PTPRZ1: variants seen among roughly 807,000 people sequenced by gnomAD.
PTPRZ1 encodes receptor-type tyrosine-protein phosphatase zeta.
A neutral mutation model predicts 214.1 loss-of-function variants in PTPRZ1; 82 were observed. The observed-to-expected ratio is 0.38, with a 90% CI of 0.32 to 0.46. The LOEUF (loss-of-function observed/expected upper bound fraction) is 0.46. PTPRZ1 is among the 20% of genes least tolerant of loss of function. The pLI is 1.00. For synonymous variants in PTPRZ1, 945 were observed against 987.9 expected (o/e 0.96, Z 0.81); for missense variants, 2,603 against 2,748.7 (o/e 0.95, Z 1.19).
chr7:121,902,492 G>T (rs1017872212), intron 1 of PTPRZ1, among the ~76,000 whole-genome samples: 1 of 152,040 alleles, frequency 6.6e-6, no homozygotes, highest in African/African-American at 2.4e-5. Flanking sequence ...GGGAATAAGA[G>T]TTCTCCTTTC....
intron 2 of PTPRZ1, among the ~76,000 whole-genome samples, chr7:121,955,905 C>G (rs977184548): frequency 1.3e-5 from 2 of 152,196 alleles, no homozygotes; most frequent in Non-Finnish European, 2.9e-5. Context: ...AACAGAAACA[C>G]TGCTGTATTG....
intron 1 of PTPRZ1, among the ~76,000 whole-genome samples, chr7:121,920,501 A>C (rs535845729): frequency 1.3e-5 from 2 of 151,914 alleles, no homozygotes; most frequent in Non-Finnish European, 2.9e-5. Flanking sequence ...ATATACGTTG[A>C]TATTTTTGTC....
Position 122,019,236 on chromosome 7 carries a change from A to C in PTPRZ1, c.4956A>C (p.Leu1652=). ...VIVSALTFIC[L]VVLVGILIYW... is the part of the protein sequence containing the mutation. ...TGTCAGCCCTGACTTTTATCTGTCT[A>C]GTGGTTCTTGTGGGTATTCTCATCT... Residue 1652 remains leucine, a synonymous_variant, in exon 13 of 30, where the codon CTA becomes CTC. Coordinates refer to ENST00000393386, the MANE Select transcript of PTPRZ1 (RefSeq NM_002851.3). 1.2e-6 allele frequency: 2 copies of C among 1,612,754 alleles called. No individual in the cohort carries two copies. The highest frequency in any genetic ancestry group is 1.7e-6 in the Non-Finnish European group (2 of 1,178,992).
chr7:121,914,874 CCATGCTGACATTA>C (rs1401434559), intron 1 of PTPRZ1, among the ~76,000 whole-genome samples: 13 of 152,064 alleles, frequency 8.5e-5, no homozygotes, highest in Non-Finnish European at 1.5e-4. Flanking sequence ...GTGCCAGGCA[CCATGCTGACATTA>C]CATGTGAAAA....
intron 23 of PTPRZ1, among the ~76,000 whole-genome samples, chr7:122,046,834 C>T (rs1792001611): frequency 6.6e-6 from 1 of 152,080 alleles, no homozygotes; most frequent in Non-Finnish European, 1.5e-5. Context: ...GAGGTCTGGC[C>T]TGAAGAAATG....
intron 1 of PTPRZ1, among the ~76,000 whole-genome samples, chr7:121,909,188 T>C (rs1346021162): frequency 6.6e-6 from 1 of 152,170 alleles, no homozygotes; most frequent in Non-Finnish European, 1.5e-5. Context: ...CTAAAAACTT[T>C]TATCTTGTGA....
At chr7:121,896,678 C>T (rs995762029) in intron 1 of PTPRZ1, among the ~76,000 whole-genome samples, 1 of 151,696 alleles carries the variant, frequency 6.6e-6, no homozygotes, top group Non-Finnish European at 1.5e-5. Flanking sequence ...GAGGCTGAGG[C>T]AGGAGAATGG....
chr7:121,977,166 C>T (rs1450037906), intron 6 of PTPRZ1, among the ~76,000 whole-genome samples: 4 of 152,108 alleles, frequency 2.6e-5, no homozygotes, highest in African/African-American at 9.7e-5. Flanking sequence ...CTGCATTATA[C>T]ATCCGTTAAA....
chr7:121,926,118 C>T (rs961490533), intron 1 of PTPRZ1, among the ~76,000 whole-genome samples: 1 of 152,220 alleles, frequency 6.6e-6, no homozygotes, highest in South Asian at 2.1e-4. Context: ...GCCTGACCAA[C>T]ATAGTGAAAC....
At chr7:122,038,929 T>A (rs1275660710) in intron 19 of PTPRZ1, 40 bp downstream of exon 19, 2 of 1,602,222 alleles carry the variant, frequency 1.2e-6, no homozygotes, top group South Asian at 2.2e-5. Flanking sequence ...AAAAAAGTAA[T>A]TAGAGGTACT....
chr7:122,013,433 G>C lies in PTPRZ1; in HGVS notation c.4387G>C (p.Glu1463Gln), dbSNP rs149608270. 2.6e-5 allele frequency: 42 copies of C among 1,614,136 alleles called. No individual in the cohort carries two copies. In the South Asian group the frequency reaches 4.2e-4, roughly 16 times the overall value. The change falls in exon 12 of 30, where the codon GAA becomes CAA. Residue 1463 changes from glutamate to glutamine, a missense_variant. Physicochemically the swap from Glu to Gln is conservative, Grantham distance 29. Coordinates refer to ENST00000393386, the MANE Select transcript of PTPRZ1 (RefSeq NM_002851.3). ...EKVMNDSDTH[E>Q]NSLMDQNNPI... Reference sequence around the variant, plus strand: ...GGTAATGAATGATTCAGACACCCACGAAAACAGTCTTATGGATCAGAATAA... The same window carrying C: ...GGTAATGAATGATTCAGACACCCACCAAAACAGTCTTATGGATCAGAATAA...
At chr7:121,912,965 T>A (rs1487043369) in intron 1 of PTPRZ1, among the ~76,000 whole-genome samples, 1 of 152,158 alleles carries the variant, frequency 6.6e-6, no homozygotes, top group Non-Finnish European at 1.5e-5. Context: ...ATCCTAAATT[T>A]GTCATTTATT....
In PTPRZ1 at chr7:121,981,484, G is replaced by A. The variant is rs895374581; in HGVS notation, c.620-2181G>A. ...AGGGCAGAGGACTTGCACTGGGCTGGGTAGTTCAGGAGATAGGAAAACAAA... is the reference window on the plus strand; with the variant it reads ...AGGGCAGAGGACTTGCACTGGGCTGAGTAGTTCAGGAGATAGGAAAACAAA... On this transcript the variant is annotated intron_variant, in intron 6 of 29. Coordinates refer to ENST00000393386, the MANE Select transcript of PTPRZ1 (RefSeq NM_002851.3). 1.2e-4 allele frequency among the ~76,000 whole-genome samples: 18 copies of A among 152,292 alleles called. No homozygotes were observed. In the South Asian group the frequency reaches 1.9e-3, roughly 16 times the overall value.
chr7:121,873,210 A>C lies in PTPRZ1; in HGVS notation c.-290A>C, dbSNP rs915272083. 1.4e-5 allele frequency: 6 copies of C among 425,048 alleles called. No individual in the cohort carries two copies. The highest frequency in any genetic ancestry group is 2.1e-5 in the Non-Finnish European group (5 of 241,532). The allele number at this position is 425,048 out of a possible 1,614,324, so 26.3% of individuals were successfully genotyped here. A position where few individuals can be genotyped will look rare whatever the true frequency, so the allele number is the denominator to read the frequency against. On this transcript the variant is annotated 5_prime_UTR_variant, in exon 1 of 30. Coordinates refer to ENST00000393386, the MANE Select transcript of PTPRZ1 (RefSeq NM_002851.3). ...AAAGAGGCAAAGTCCCGCACGCCGG[A>C]GGACATGCGCCTCGGCTAGCGGCCC...
chr7:121,958,346 C>G (rs1395027985), intron 2 of PTPRZ1, among the ~76,000 whole-genome samples: 1 of 152,122 alleles, frequency 6.6e-6, no homozygotes, highest in East Asian at 1.9e-4. Context: ...TTGTTGAAAC[C>G]ATGTTTCTAT....
intron 1 of PTPRZ1, chr7:121,908,951 T>C (rs1334732486): frequency 1.9e-6 from 1 of 517,312 alleles, no homozygotes; most frequent in East Asian, 5.5e-5. Context: ...TGCAGAATAT[T>C]TAGCAGACAT....
chr7:121,927,645 A>T (rs984088948), intron 1 of PTPRZ1, among the ~76,000 whole-genome samples: 3 of 152,202 alleles, frequency 2.0e-5, no homozygotes, highest in African/African-American at 7.2e-5. Context: ...TGAACATTTA[A>T]ATTCTACTTT....
At chr7:121,966,644 C>T (rs11767822) in intron 2 of PTPRZ1, among the ~76,000 whole-genome samples, 49,699 of 152,062 alleles carry the variant, frequency 0.33, 9,724 homozygotes, top group Middle Eastern at 0.43. Flanking sequence ...TGATGCCTCA[C>T]TATGAGATGT....
chr7:121,892,012 T>C (rs538627720), intron 1 of PTPRZ1, among the ~76,000 whole-genome samples: 46 of 152,242 alleles, frequency 3.0e-4, no homozygotes, highest in Admixed American at 7.9e-4. Flanking sequence ...TGTTCTTAAG[T>C]TTTTTTGTTT....
Sources: gnomAD v4.1 joint callset for allele counts (sites outside exome capture counted in the v4.1 genomes callset) on GRCh38, gnomAD v4.1.1 for gene constraint, MANE v1.5 for transcripts, NCBI Gene and HGNC (gene_info 2026-07-23, HGNC 2026-07-21) for gene names.